The following BMPR1A variants were observed in gnomAD, a reference collection of about 807,000 sequenced individuals.
The protein encoded by BMPR1A is bone morphogenetic protein receptor type 1A.
In BMPR1A, 7 loss-of-function variants were observed where a neutral mutation model predicts 66.0. That is an observed-to-expected ratio of 0.11 (90% CI 0.06 to 0.20). The LOEUF (loss-of-function observed/expected upper bound fraction) is 0.20, where lower values mean the gene tolerates loss of function less well. Among genes scored for constraint, BMPR1A ranks in the 10% least tolerant of loss-of-function variants. The pLI is 1.00. For missense variants in BMPR1A, 408 were observed against 669.1 expected, an observed-to-expected ratio of 0.61 and a Z score of 4.31; for synonymous variants, 200 against 229.7, an observed-to-expected ratio of 0.87 and a Z score of 1.17.
At chr10:86,914,618 A>G (rs1407825961) in intron 8 of BMPR1A, among the ~76,000 whole-genome samples, 1 of 152,218 alleles carries the variant, frequency 6.6e-6, no homozygotes, top group East Asian at 1.9e-4. Flanking sequence ...CAAGCACATG[A>G]AAAGATGCTC....
At chr10:86,853,100 G>A (rs1842594253) in intron 2 of BMPR1A, among the ~76,000 whole-genome samples, 1 of 152,036 alleles carries the variant, frequency 6.6e-6, no homozygotes, top group Admixed American at 6.5e-5. Context: ...AAAATATCTT[G>A]AATCACTTTA....
intron 3 of BMPR1A, chr10:86,889,809 CTTGT>C (rs1386851522): frequency 2.1e-5 from 10 of 484,220 alleles, no homozygotes; most frequent in South Asian, 1.6e-4. Flanking sequence ...TTGCGCCACT[CTTGT>C]TTGTCTTTCA....
intron 4 of BMPR1A, among the ~76,000 whole-genome samples, chr10:86,891,113 C>G (rs1462234750): frequency 6.6e-6 from 1 of 152,176 alleles, no homozygotes; most frequent in Admixed American, 6.5e-5. Flanking sequence ...CACGTAAACT[C>G]TTGAACCTGC....
intron 3 of BMPR1A, among the ~76,000 whole-genome samples, chr10:86,881,782 TGGTAGA>T (rs1023929291): frequency 2.0e-5 from 3 of 152,202 alleles, no homozygotes; most frequent in Non-Finnish European, 2.9e-5. Flanking sequence ...CAGAAGAAAC[TGGTAGA>T]TTAAGAGACT....
chr10:86,816,741 C>A (rs761559068), intron 1 of BMPR1A, among the ~76,000 whole-genome samples: 1 of 152,140 alleles, frequency 6.6e-6, no homozygotes, highest in Non-Finnish European at 1.5e-5. Context: ...TAAGGCTCTC[C>A]GTATCTGCAC....
At position 86,924,136 on chromosome 10, in the gene BMPR1A, C is replaced by T. The variant is rs1374478757; in HGVS notation, c.*417C>T. ...GACTTTGCCTTTTACCTGAGACTTT[C>T]AGTTCGTTTGTATTCTACCTTTGTA... On this transcript the variant is annotated 3_prime_UTR_variant, in exon 13 of 13. Transcript: ENST00000372037. 2.8e-6 allele frequency: 1 copy of T among 352,920 alleles called. No individual in the cohort carries two copies. Among genetic ancestry groups the T allele is most frequent in the Admixed American group, 4.5e-5 (1 of 22,158 alleles). 21.9% of individuals were successfully genotyped at this position (352,920 alleles called of 1,614,324 possible).
intron 5 of BMPR1A, among the ~76,000 whole-genome samples, chr10:86,898,319 C>G (rs1193150241): frequency 6.6e-6 from 1 of 151,694 alleles, no homozygotes; most frequent in African/African-American, 2.4e-5. Flanking sequence ...ATATAACATT[C>G]CATTATCTAT....
At chr10:86,834,051 G>A (rs145793623) in intron 1 of BMPR1A, among the ~76,000 whole-genome samples, 21 of 152,296 alleles carry the variant, frequency 1.4e-4, no homozygotes, top group African/African-American at 4.8e-4. Context: ...AAGGCTGGGA[G>A]CATGTGTTTT....
chr10:86,867,163 T>C (rs1430254975), intron 2 of BMPR1A, among the ~76,000 whole-genome samples: 1 of 152,226 alleles, frequency 6.6e-6, no homozygotes, highest in Non-Finnish European at 1.5e-5. Flanking sequence ...TGAGCATCCC[T>C]AATCCAAAAA....
At chr10:86,855,834 C>T in intron 2 of BMPR1A, 1 of 942,292 alleles carries the variant, frequency 1.1e-6, no homozygotes, top group Middle Eastern at 2.3e-4. Context: ...AAGTCTTGCT[C>T]ATTATCACTG....
chr10:86,785,553 C>T (rs1342561368), intron 1 of BMPR1A, among the ~76,000 whole-genome samples: 1 of 152,232 alleles, frequency 6.6e-6, no homozygotes, highest in Non-Finnish European at 1.5e-5. Flanking sequence ...GATCTGCCCA[C>T]TTGGCCTCCC....
intron 1 of BMPR1A, among the ~76,000 whole-genome samples, chr10:86,797,247 T>TTTTTTTTG (rs1372738374): frequency 1.6e-5 from 2 of 124,928 alleles, no homozygotes; most frequent in Admixed American, 8.7e-5. Context: ...TTTTTTTTTT[T>TTTTTTTTG]TGAGACGGAG....
intron 1 of BMPR1A, among the ~76,000 whole-genome samples, chr10:86,813,760 C>T (rs187940938): frequency 4.6e-5 from 7 of 152,168 alleles, no homozygotes; most frequent in East Asian, 3.9e-4. Context: ...CCTGTGTAGT[C>T]GACAGGTAAC....
intron 8 of BMPR1A, among the ~76,000 whole-genome samples, chr10:86,912,937 C>A (rs1589288914): frequency 6.6e-6 from 1 of 151,630 alleles, no homozygotes; most frequent in East Asian, 1.9e-4. Context: ...TGGATGGATT[C>A]TTGGTATCAG....
intron 10 of BMPR1A, 42 bp from the exon 11 acceptor site, chr10:86,921,478 T>C (rs1228090693): frequency 1.2e-6 from 2 of 1,610,824 alleles, no homozygotes; most frequent in African/African-American, 1.3e-5. Flanking sequence ...AACTATTTTA[T>C]TTTTGGCCCT....
At chr10:86,793,910 A>C (rs1364486698) in intron 1 of BMPR1A, among the ~76,000 whole-genome samples, 1 of 152,118 alleles carries the variant, frequency 6.6e-6, no homozygotes, top group African/African-American at 2.4e-5. Context: ...GGCTGGCTGC[A>C]TTCCTGGATC....
intron 1 of BMPR1A, among the ~76,000 whole-genome samples, chr10:86,765,686 C>T (rs1029619876): frequency 2.0e-5 from 3 of 152,034 alleles, no homozygotes; most frequent in Admixed American, 6.6e-5. Context: ...TCCCTAACTA[C>T]GTATTACCAT....
rs553815321 is a variant in BMPR1A at position 86,927,605 on chromosome 10, G to A, written c.*3886G>A. On this transcript the variant is annotated 3_prime_UTR_variant, in exon 13 of 13. Transcript: ENST00000372037. ...TGGCTCTTGTAAAGGATTAACTATT[G>A]TAATTTTAGCTTATGCTCTGTATTC... The A allele has an allele frequency of 2.0e-3, 389 of 198,628 alleles. 1 individual carries two copies. Among genetic ancestry groups the A allele is most frequent in the Non-Finnish European group, 2.4e-3 (229 of 96,100 alleles). The allele number at this position is 198,628 out of a possible 1,614,324, so 12.3% of individuals were successfully genotyped here.
downstream of BMPR1A, chr10:86,928,173 AG>A (rs1477507554): frequency 3.2e-5 from 5 of 154,386 alleles, no homozygotes; most frequent in African/African-American, 1.2e-4. Context: ...ATCACGGTGC[AG>A]GGGTTTTTCC....
Sources: gnomAD v4.1 joint callset for allele counts (sites outside exome capture counted in the v4.1 genomes callset) on GRCh38, gnomAD v4.1.1 for gene constraint, MANE v1.5 for transcripts, NCBI Gene and HGNC (gene_info 2026-07-23, HGNC 2026-07-21) for gene names.